MTDH: variants seen among roughly 807,000 people sequenced by gnomAD.
MTDH encodes metadherin, also known as protein LYRIC.
Under a neutral mutation model 72.7 loss-of-function variants are expected in MTDH, and 34 were observed. That is an observed-to-expected ratio of 0.47 (90% CI 0.36 to 0.62). The LOEUF is 0.62. Among genes scored for constraint, MTDH ranks in the 20% least tolerant of loss-of-function variants. The pLI is 0.00. For missense variants in MTDH, 677 were observed against 699.4 expected, an observed-to-expected ratio of 0.97 and a Z score of 0.36; for synonymous variants, 266 against 268.9, an observed-to-expected ratio of 0.99 and a Z score of 0.10.
intron 1 of MTDH, among the ~76,000 whole-genome samples, chr8:97,658,063 C>T (rs908633224): frequency 6.6e-6 from 1 of 152,110 alleles, no homozygotes; most frequent in Non-Finnish European, 1.5e-5. Flanking sequence ...TTTTTTCCAG[C>T]AACCCAAGAA....
intron 6 of MTDH, among the ~76,000 whole-genome samples, chr8:97,694,261 G>C (rs1478973876): frequency 6.6e-6 from 1 of 150,994 alleles, no homozygotes; most frequent in Non-Finnish European, 1.5e-5. Context: ...GCAATGGCAC[G>C]ATCTCGGCTC....
chr8:97,680,967 T>C (rs998178865), intron 2 of MTDH, among the ~76,000 whole-genome samples: 1 of 152,326 alleles, frequency 6.6e-6, no homozygotes, highest in Middle Eastern at 3.4e-3. Flanking sequence ...TGGAAAGGTA[T>C]AGCCATACTG....
intron 9 of MTDH, among the ~76,000 whole-genome samples, chr8:97,716,456 G>A (rs1346622095): frequency 2.6e-5 from 4 of 152,004 alleles, no homozygotes; most frequent in African/African-American, 4.8e-5. Flanking sequence ...CTGTGAGGCC[G>A]AGGCGGGTGG....
chr8:97,660,972 G>T (rs1031525545), intron 1 of MTDH, 100 bp from the exon 2 acceptor site: 3 of 815,440 alleles, frequency 3.7e-6, no homozygotes, highest in Admixed American at 4.8e-5. Flanking sequence ...TAGGTACAGA[G>T]GTAGGATTTG....
intron 11 of MTDH, among the ~76,000 whole-genome samples, chr8:97,723,510 G>C (rs922486211): frequency 2.6e-5 from 4 of 151,912 alleles, no homozygotes; most frequent in Non-Finnish European, 4.4e-5. Flanking sequence ...TTGAGAGGCT[G>C]AGGCGGGCGG....
chr8:97,672,360 C>G (rs575054762), intron 2 of MTDH, among the ~76,000 whole-genome samples: 111 of 152,242 alleles, frequency 7.3e-4, no homozygotes, highest in Admixed American at 1.4e-3. Flanking sequence ...AATGTTTTAT[C>G]TGAGTGCTTT....
intron 2 of MTDH, among the ~76,000 whole-genome samples, chr8:97,666,960 G>T (rs1051507828): frequency 1.3e-5 from 2 of 152,074 alleles, no homozygotes; most frequent in African/African-American, 2.4e-5. Context: ...GCCTCCCAAA[G>T]TGCTGGGATT....
chr8:97,723,344 G>A (rs573347443), intron 11 of MTDH, among the ~76,000 whole-genome samples: 9 of 151,610 alleles, frequency 5.9e-5, no homozygotes, highest in South Asian at 2.1e-4. Context: ...CTTGCAGTGA[G>A]CCAAAATCGT....
Position 97,644,463 on chromosome 8 carries a change from C to T in MTDH, c.-44C>T, listed in dbSNP as rs1450330488. On this transcript the variant is annotated 5_prime_UTR_variant, in exon 1 of 12. Transcript: ENST00000336273. The stretch of plus-strand genomic sequence containing the variant: ...TCCCTCGACTATTCCACTGCGTCTC[C>T]GCGCCCCGGCGTCATCCTGCGAGTC... The T allele has an allele frequency of 2.0e-6, 3 of 1,527,034 alleles. No homozygotes were observed. Among genetic ancestry groups the T allele is most frequent in the Non-Finnish European group, 2.6e-6 (3 of 1,145,314 alleles). 94.6% of individuals were successfully genotyped at this position (1,527,034 alleles called of 1,614,324 possible).
chr8:97,644,221 C>G lies in MTDH; in HGVS notation c.-286C>G, dbSNP rs1434074294. ...TTCCGCCGAGGGAGGACAGCGGGGC[C>G]TGGCGCTGGCGCCGAGACGCCGCTT... On this transcript the variant is annotated 5_prime_UTR_variant, in exon 1 of 12. Transcript: ENST00000336273. The G allele has an allele frequency of 1.1e-5, 5 of 464,772 alleles. No individual in the cohort carries two copies. The East Asian group carries it at 2.0e-4, about 19-fold the overall frequency. 28.8% of individuals were successfully genotyped at this position (464,772 alleles called of 1,614,324 possible).
chr8:97,701,802 A>G (rs1256476267), intron 7 of MTDH, among the ~76,000 whole-genome samples: 3 of 152,152 alleles, frequency 2.0e-5, no homozygotes, highest in Non-Finnish European at 4.4e-5. Context: ...CCATATTAAG[A>G]TACTTTGAAT....
At position 97,657,636 on chromosome 8, in the gene MTDH, TGG is replaced by T. The variant is rs1234501539; in HGVS notation, c.382-3434_382-3433del. Among the ~76,000 whole-genome samples the T allele has an allele frequency of 9.9e-5, 15 of 152,194 alleles. No homozygotes were observed. The South Asian group carries it at 2.9e-3, about 29-fold the overall frequency. On this transcript the variant is annotated intron_variant, in intron 1 of 11. Transcript: ENST00000336273. ...CTCCCATTTCAGTCCCTCGAGTAGC[TGG>T]GACTACAGGGGCATGCCACCACACC...
At chr8:97,687,921 G>C (rs902123211) in intron 4 of MTDH, among the ~76,000 whole-genome samples, 2 of 152,148 alleles carry the variant, frequency 1.3e-5, no homozygotes, top group Admixed American at 6.5e-5. Context: ...CTGTTCCTTA[G>C]AGTGGATAAG....
At chr8:97,657,697 A>G (rs35115822) in intron 1 of MTDH, among the ~76,000 whole-genome samples, 35 of 152,012 alleles carry the variant, frequency 2.3e-4, no homozygotes, top group Non-Finnish European at 4.3e-4. Flanking sequence ...TTGTAGAGAC[A>G]GGGTCTGTCT....
In MTDH at chr8:97,675,927, A is replaced by G. The variant is rs1465780223; in HGVS notation, c.484-10741A>G. Among the ~76,000 whole-genome samples, 7 of 143,664 alleles carry G rather than the reference A, an allele frequency of 4.9e-5. No individual in the cohort carries two copies. The South Asian group carries it at 1.5e-3, about 31-fold the overall frequency. The allele number at this position is 143,664 out of a possible 152,430, so 94.2% of individuals were successfully genotyped here. On this transcript the variant is annotated intron_variant, in intron 2 of 11. Coordinates refer to ENST00000336273, the MANE Select transcript of MTDH (RefSeq NM_178812.4). Reference sequence around the variant, plus strand: ...GGCTACCTACCTTGTATAAATGGCTAGTTGCAAATAGGTTTTTTTTTTTTT... The same window carrying G: ...GGCTACCTACCTTGTATAAATGGCTGGTTGCAAATAGGTTTTTTTTTTTTT...
At chr8:97,669,458 T>A (rs1161019109) in intron 2 of MTDH, among the ~76,000 whole-genome samples, 1 of 151,996 alleles carries the variant, frequency 6.6e-6, no homozygotes, top group Non-Finnish European at 1.5e-5. Context: ...CCACAATATA[T>A]AATTTTAGAA....
chr8:97,668,435 G>A (rs1450057741), intron 2 of MTDH, among the ~76,000 whole-genome samples: 1 of 152,070 alleles, frequency 6.6e-6, no homozygotes, highest in African/African-American at 2.4e-5. Context: ...GATCTCCTGA[G>A]GGCTGTGTCA....
Position 97,724,854 on chromosome 8 carries a change from C to A in MTDH, c.*184C>A. 1 of 477,750 alleles carries A rather than the reference C, an allele frequency of 2.1e-6. No homozygotes were observed. Among genetic ancestry groups the A allele is most frequent in the Non-Finnish European group, 3.7e-6 (1 of 273,224 alleles). 29.6% of individuals were successfully genotyped at this position (477,750 alleles called of 1,614,324 possible). A position where few individuals can be genotyped will look rare whatever the true frequency, so the allele number is the denominator to read the frequency against. On this transcript the variant is annotated 3_prime_UTR_variant, in exon 12 of 12. Transcript: ENST00000336273. ...AAGTTAATTTATGAAATTAAGAGGT[C>A]AGCAGAATATACTCAGTGATGGAAG...
At chr8:97,668,218 C>T (rs902695015) in intron 2 of MTDH, among the ~76,000 whole-genome samples, 4 of 151,972 alleles carry the variant, frequency 2.6e-5, no homozygotes, top group Non-Finnish European at 5.9e-5. Flanking sequence ...ACCCGGGAGG[C>T]GGAGCTTGCA....
Sources: allele counts gnomAD v4.1 joint callset (sites outside exome capture counted in the v4.1 genomes callset), GRCh38; gene constraint gnomAD v4.1.1; transcripts MANE v1.5; gene names NCBI Gene and HGNC (gene_info 2026-07-23, HGNC 2026-07-21).